SLIT3: variants seen among roughly 807,000 people sequenced by gnomAD.
SLIT3 encodes slit guidance ligand 3.
A neutral mutation model predicts 184.0 loss-of-function variants in SLIT3; 68 were observed. The ratio of observed to expected loss-of-function variants is 0.37; its 90% confidence interval spans 0.30 to 0.45. The LOEUF (loss-of-function observed/expected upper bound fraction) is 0.45. Among genes scored for constraint, SLIT3 ranks in the 20% least tolerant of loss-of-function variants. The pLI, the probability that SLIT3 is intolerant of heterozygous loss-of-function variation, is 1.00. For synonymous variants in SLIT3, 831 were observed against 828.6 expected (o/e 1.00, Z -0.05); for missense variants, 1,707 against 2,026.0 (o/e 0.84, Z 3.02).
chr5:168,977,186 G>A (rs1223692232), intron 4 of SLIT3, among the ~76,000 whole-genome samples: 2 of 152,162 alleles, frequency 1.3e-5, no homozygotes, highest in African/African-American at 4.8e-5. Flanking sequence ...TGATAATGAT[G>A]GGGGGATGGG....
intron 29 of SLIT3, among the ~76,000 whole-genome samples, chr5:168,689,433 G>A (rs1363126961): frequency 6.6e-6 from 1 of 152,178 alleles, no homozygotes; most frequent in Non-Finnish European, 1.5e-5. Flanking sequence ...TCTGGATTTA[G>A]CTGAGAAATC....
chr5:169,005,309 GC>G (rs1489494404), intron 4 of SLIT3, among the ~76,000 whole-genome samples: 21 of 152,162 alleles, frequency 1.4e-4, no homozygotes, highest in Non-Finnish European at 1.5e-5. Flanking sequence ...TGTGACAGTA[GC>G]CTGAGCTGAC....
chr5:168,957,793 G>T (rs561265131), intron 4 of SLIT3, among the ~76,000 whole-genome samples: 4 of 152,270 alleles, frequency 2.6e-5, no homozygotes, highest in African/African-American at 7.2e-5. Flanking sequence ...AGGGCCACAG[G>T]TGCCACCGCT....
At chr5:168,751,862 TG>T (rs1427099774) in intron 18 of SLIT3, among the ~76,000 whole-genome samples, 1 of 151,618 alleles carries the variant, frequency 6.6e-6, no homozygotes, top group Non-Finnish European at 1.5e-5. Flanking sequence ...CTCAGCCTCC[TG>T]AGTAGCTGGG....
chr5:169,107,510 C>T (rs1467638058), intron 4 of SLIT3, among the ~76,000 whole-genome samples: 1 of 152,152 alleles, frequency 6.6e-6, no homozygotes, highest in Admixed American at 6.5e-5. Flanking sequence ...CATGGTGAGC[C>T]AATTGGTTAG....
chr5:169,123,729 G>A (rs1018740445), intron 4 of SLIT3, among the ~76,000 whole-genome samples: 2 of 152,178 alleles, frequency 1.3e-5, no homozygotes, highest in Non-Finnish European at 1.5e-5. Context: ...TGATCCTGAA[G>A]ACAAGGCACA....
At chr5:168,870,524 C>G (rs1191241987) in intron 5 of SLIT3, among the ~76,000 whole-genome samples, 1 of 152,216 alleles carries the variant, frequency 6.6e-6, no homozygotes, top group African/African-American at 2.4e-5. Flanking sequence ...AGTCCAGAGA[C>G]CTGGCATTAT....
At chr5:168,849,152 G>C (rs1208589600) in intron 5 of SLIT3, among the ~76,000 whole-genome samples, 2 of 152,162 alleles carry the variant, frequency 1.3e-5, no homozygotes, top group Non-Finnish European at 2.9e-5. Flanking sequence ...ATAGGCTTTG[G>C]GTATCTGGAA....
chr5:168,755,567 T>C (rs912074690), intron 16 of SLIT3, among the ~76,000 whole-genome samples: 2 of 151,762 alleles, frequency 1.3e-5, no homozygotes, highest in Non-Finnish European at 2.9e-5. Flanking sequence ...CCCGAGTAGC[T>C]GGGATTACAG....
intron 4 of SLIT3, among the ~76,000 whole-genome samples, chr5:169,130,501 A>G (rs1223737581): frequency 6.6e-6 from 1 of 152,220 alleles, no homozygotes; most frequent in Non-Finnish European, 1.5e-5. Context: ...AAATGAAAAT[A>G]ATAACACCTG....
chr5:168,783,692 C>A (rs149984394), intron 12 of SLIT3, among the ~76,000 whole-genome samples: 55 of 152,294 alleles, frequency 3.6e-4, no homozygotes, highest in African/African-American at 1.3e-3. Context: ...TCCAGTCTAA[C>A]AGGGAGAAGT....
intron 5 of SLIT3, among the ~76,000 whole-genome samples, chr5:168,871,913 C>A (rs1759536130): frequency 6.6e-6 from 1 of 152,194 alleles, no homozygotes; most frequent in South Asian, 2.1e-4. Flanking sequence ...AGAGTCTGAG[C>A]ACTTCACCAT....
intron 4 of SLIT3, among the ~76,000 whole-genome samples, chr5:168,898,433 T>C (rs1760760831): frequency 6.6e-6 from 1 of 151,348 alleles, no homozygotes; most frequent in Admixed American, 6.6e-5. Flanking sequence ...GCTCCTCTCT[T>C]CTCTTAAAGC....
chr5:169,086,188 A>C (rs538861480), intron 4 of SLIT3, among the ~76,000 whole-genome samples: 2 of 152,232 alleles, frequency 1.3e-5, no homozygotes, highest in South Asian at 4.1e-4. Flanking sequence ...AGAGGGTTAC[A>C]TAGGCTAACC....
chr5:169,185,114 C>A lies in SLIT3; in HGVS notation c.413+8365G>T, dbSNP rs1169165308. On this transcript the variant is annotated intron_variant, in intron 4 of 35. Coordinates refer to ENST00000519560, the MANE Select transcript of SLIT3 (RefSeq NM_003062.4). ...ACAGAGAGAATGACACAGCAACCAC[C>A]ATAATCCATTCTCTGTCCACACACA... 2.0e-5 allele frequency among the ~76,000 whole-genome samples: 3 copies of A among 152,204 alleles called. No homozygotes were observed. In the East Asian group the frequency reaches 5.8e-4, roughly 29 times the overall value.
intron 29 of SLIT3, among the ~76,000 whole-genome samples, chr5:168,692,348 G>A (rs990179136): frequency 1.3e-5 from 2 of 152,106 alleles, no homozygotes; most frequent in Non-Finnish European, 2.9e-5. Flanking sequence ...GAGAAAGAGT[G>A]GATCTTTCTC....
At chr5:169,019,635 T>C (rs1305224280) in intron 4 of SLIT3, among the ~76,000 whole-genome samples, 2 of 152,200 alleles carry the variant, frequency 1.3e-5, no homozygotes, top group Admixed American at 1.3e-4. Flanking sequence ...ACCTGCTACC[T>C]CTACCACTTG....
At chr5:168,820,109 T>G (rs1757474554) in intron 7 of SLIT3, among the ~76,000 whole-genome samples, 1 of 152,170 alleles carries the variant, frequency 6.6e-6, no homozygotes, top group African/African-American at 2.4e-5. Context: ...TGGCATGAAA[T>G]TAGAGCTTAG....
At chr5:169,095,649 G>A (rs939633696) in intron 4 of SLIT3, among the ~76,000 whole-genome samples, 3 of 152,042 alleles carry the variant, frequency 2.0e-5, no homozygotes, top group Non-Finnish European at 2.9e-5. Context: ...GTCCCTAGGG[G>A]GCCCTCTATT....
Sources: allele counts gnomAD v4.1 joint callset (sites outside exome capture counted in the v4.1 genomes callset), GRCh38; gene constraint gnomAD v4.1.1; transcripts MANE v1.5; gene names NCBI Gene and HGNC (gene_info 2026-07-23, HGNC 2026-07-21).